Variants in NAV1 observed in about 807,000 individuals in gnomAD.
NAV1 encodes the protein pore membrane and/or filament interacting like protein 3.
Under a neutral mutation model 175.2 loss-of-function variants are expected in NAV1, and 18 were observed. That is an observed-to-expected ratio of 0.10 (90% CI 0.07 to 0.15). The LOEUF (loss-of-function observed/expected upper bound fraction) is 0.15, where lower values mean the gene tolerates loss of function less well. NAV1 is among the 10% of genes least tolerant of loss of function. NAV1 has a pLI of 1.00. For synonymous variants in NAV1, 897 were observed against 978.7 expected, an observed-to-expected ratio of 0.92 and a Z score of 1.56; for missense variants, 1,731 against 2,436.6, an observed-to-expected ratio of 0.71 and a Z score of 6.10.
intron 2 of NAV1, among the ~76,000 whole-genome samples, chr1:201,617,200 C>G (rs1668025808): frequency 8.0e-6 from 1 of 125,062 alleles, no homozygotes; most frequent in Admixed American, 8.1e-5. Context: ...ATTCCCCAAT[C>G]TCTCTGTCTC....
At chr1:201,798,958 T>C (rs1677651142) in intron 15 of NAV1, among the ~76,000 whole-genome samples, 1 of 151,976 alleles carries the variant, frequency 6.6e-6, no homozygotes, top group Non-Finnish European at 1.5e-5. Flanking sequence ...CACCTCAGCC[T>C]CCCAAAGTGT....
chr1:201,678,099 C>G (rs981447436), intron 1 of NAV1, among the ~76,000 whole-genome samples: 6 of 152,206 alleles, frequency 3.9e-5, no homozygotes, highest in Non-Finnish European at 7.3e-5. Flanking sequence ...TTAAACATCT[C>G]AGAAATGTAT....
chr1:201,551,249 G>C (rs1166875403), intron 1 of NAV1, among the ~76,000 whole-genome samples: 1 of 151,738 alleles, frequency 6.6e-6, no homozygotes, highest in East Asian at 1.9e-4. Context: ...TTTTTCTTGA[G>C]AAAGGGTCTT....
chr1:201,559,832 C>T (rs1571820750), intron 1 of NAV1, among the ~76,000 whole-genome samples: 1 of 152,328 alleles, frequency 6.6e-6, no homozygotes, highest in East Asian at 1.9e-4. Context: ...TTGCCGCCAC[C>T]AGAGGGTGCA....
chr1:201,555,154 C>G (rs1431385796), intron 1 of NAV1, among the ~76,000 whole-genome samples: 2 of 152,172 alleles, frequency 1.3e-5, no homozygotes, highest in Admixed American at 6.5e-5. Context: ...TTCAATGACC[C>G]TATTTCCAAA....
intron 15 of NAV1, 104 bp from the exon 20 acceptor site, chr1:201,803,489 T>C (rs1450543303): frequency 2.3e-5 from 26 of 1,154,568 alleles, no homozygotes; most frequent in Non-Finnish European, 2.9e-5. Context: ...GATTGAGGAG[T>C]TGGTTGGTTC....
At chr1:201,732,668 C>T (rs961770956) in intron 3 of NAV1, among the ~76,000 whole-genome samples, 1 of 152,228 alleles carries the variant, frequency 6.6e-6, no homozygotes, top group African/African-American at 2.4e-5. Flanking sequence ...GAATGCCCAC[C>T]TTGTGATATT....
Position 201,811,545 on chromosome 1 carries a change from C to G in NAV1, c.4798-58C>G, listed in dbSNP as rs952903398. 6 of 1,606,214 alleles carry G rather than the reference C, an allele frequency of 3.7e-6. No homozygotes were observed. The African/African-American group carries it at 8.0e-5, about 22-fold the overall frequency. Reference sequence around the variant, plus strand: ...AAGACTTCTTCAAAATCCTGATTTCCAAGGCCGATCCAGCTGCTTATTCCC... The same window carrying G: ...AAGACTTCTTCAAAATCCTGATTTCGAAGGCCGATCCAGCTGCTTATTCCC... On this transcript the variant is annotated intron_variant, in intron 24 of 29. Transcript: ENST00000367296.
intron 2 of NAV1, among the ~76,000 whole-genome samples, chr1:201,601,773 C>A (rs1353106906): frequency 6.6e-6 from 1 of 152,178 alleles, no homozygotes; most frequent in Non-Finnish European, 1.5e-5. Flanking sequence ...GCCACCCAGT[C>A]TGCAAAATTT....
Position 201,787,186 on chromosome 1 carries a change from C to G in NAV1, c.2995+609C>G, listed in dbSNP as rs1218793609. ...TAGAGACAGGGAGGAGAGGAAGCAT[C>G]AGGTGGAGGGTCTGGCCTAGCACAG... On this transcript the variant is annotated intron_variant, in intron 9 of 29. Transcript: ENST00000367296. The surrounding 1 kb of genome is among the most constrained non-coding windows in gnomAD (Gnocchi z 4.3). Among the ~76,000 whole-genome samples the G allele has an allele frequency of 1.3e-5, 2 of 152,190 alleles. No individual in the cohort carries two copies. Among genetic ancestry groups the G allele is most frequent in the Non-Finnish European group, 2.9e-5 (2 of 68,026 alleles).
intron 3 of NAV1, among the ~76,000 whole-genome samples, chr1:201,721,966 C>T (rs929894114): frequency 1.3e-5 from 2 of 152,166 alleles, no homozygotes; most frequent in African/African-American, 4.8e-5. Flanking sequence ...CATTAGTCAG[C>T]AAACCAAAGA....
chr1:201,779,973 AG>A (rs1225160389), intron 3 of NAV1, among the ~76,000 whole-genome samples: 7 of 152,196 alleles, frequency 4.6e-5, no homozygotes, highest in African/African-American at 1.4e-4. Flanking sequence ...TCTAGAAAAG[AG>A]AAATCTTTTT....
chr1:201,587,394 G>A (rs991114029), intron 1 of NAV1, among the ~76,000 whole-genome samples: 3 of 152,108 alleles, frequency 2.0e-5, no homozygotes, highest in African/African-American at 7.2e-5. Context: ...TAGAATACAT[G>A]AAGAATGATT....
At chr1:201,819,677 GTC>G (rs775696329) in intron 29 of NAV1, among the ~76,000 whole-genome samples, 158 bp from the exon 34 acceptor site, 5 of 151,972 alleles carry the variant, frequency 3.3e-5, no homozygotes, top group Non-Finnish European at 7.4e-5. Flanking sequence ...TAGAGTCAGG[GTC>G]TCTCTTTGTT....
chr1:201,815,761 G>C (rs1459070290), intron 28 of NAV1, among the ~76,000 whole-genome samples: 8 of 152,044 alleles, frequency 5.3e-5, no homozygotes, highest in African/African-American at 1.7e-4. Context: ...TTTTTGAGAC[G>C]GAGTTTCACT....
chr1:201,581,807 C>T (rs778695764), intron 1 of NAV1, among the ~76,000 whole-genome samples: 17 of 150,942 alleles, frequency 1.1e-4, no homozygotes, highest in Non-Finnish European at 1.6e-4. Flanking sequence ...CGAGCCTGGA[C>T]GATATAGCCA....
At chr1:201,614,676 A>T (rs1407659954) in intron 2 of NAV1, among the ~76,000 whole-genome samples, 1 of 152,198 alleles carries the variant, frequency 6.6e-6, no homozygotes, top group Non-Finnish European at 1.5e-5. Flanking sequence ...TGGCGCTGGA[A>T]TGAGGCTGAA....
intron 3 of NAV1, among the ~76,000 whole-genome samples, chr1:201,747,763 A>G (rs968538205): frequency 6.6e-6 from 1 of 152,128 alleles, no homozygotes; most frequent in African/African-American, 2.4e-5. Context: ...CCTATATTAT[A>G]TATGTATTTG....
At chr1:201,715,648 G>T (rs1672108623) in intron 2 of NAV1, among the ~76,000 whole-genome samples, 1 of 152,226 alleles carries the variant, frequency 6.6e-6, no homozygotes, top group African/African-American at 2.4e-5. Context: ...CCAGCTGTGT[G>T]CCAGGCACAG....
Sources: allele counts gnomAD v4.1 joint callset (sites outside exome capture counted in the v4.1 genomes callset), GRCh38; gene constraint gnomAD v4.1.1; non-coding constraint Gnocchi (gnomAD v3.1); transcripts MANE v1.5; gene names NCBI Gene and HGNC (gene_info 2026-07-23, HGNC 2026-07-21).